STOX2: variants seen among roughly 807,000 people sequenced by gnomAD.
STOX2 encodes the protein storkhead box 2, also known as storkhead-box protein 2.
STOX2 carries 28 observed loss-of-function variants against 60.9 expected under a neutral mutation model. That is an observed-to-expected ratio of 0.46 (90% CI 0.34 to 0.63). The LOEUF (loss-of-function observed/expected upper bound fraction) is 0.63. Ranked by LOEUF, STOX2 falls within the 30% of genes least tolerant of loss-of-function variation. STOX2 has a pLI of 0.01. For synonymous variants in STOX2, 472 were observed against 463.9 expected (o/e 1.02, Z -0.22); for missense variants, 1,024 against 1,187.7 (o/e 0.86, Z 2.03).
At chr4:183,951,604 CT>C (rs1277311369) in intron 1 of STOX2, among the ~76,000 whole-genome samples, 2 of 151,612 alleles carry the variant, frequency 1.3e-5, no homozygotes, top group Non-Finnish European at 2.9e-5. Flanking sequence ...GCGTGAGCCG[CT>C]GCGCTCGGCA....
intron 1 of STOX2, among the ~76,000 whole-genome samples, chr4:183,823,535 C>T (rs138046481): frequency 1.3e-5 from 2 of 152,354 alleles, no homozygotes; most frequent in African/African-American, 4.8e-5. Flanking sequence ...CCATCACATT[C>T]CTTAGGCTCA....
Position 183,948,218 on chromosome 4 carries a change from CAAAAAA to C in STOX2, c.166+41283_166+41288del, listed in dbSNP as rs760286920. Among the ~76,000 whole-genome samples the C allele has an allele frequency of 3.7e-4, 11 of 29,872 alleles. No individual in the cohort carries two copies. In the South Asian group the frequency reaches 0.025, roughly 67 times the overall value. 19.6% of individuals were successfully genotyped at this position (29,872 alleles called of 152,430 possible). A position where few individuals can be genotyped will look rare whatever the true frequency, so the allele number is the denominator to read the frequency against. Reference sequence around the variant, plus strand: ...GGGCAACAAGAGCAAAACTCCATCTCAAAAAAAAAAAAAAAAAAAAAAAAAACACGA... The same window carrying C: ...GGGCAACAAGAGCAAAACTCCATCTCAAAAAAAAAAAAAAAAAAAACACGA... On this transcript the variant is annotated intron_variant, in intron 1 of 3. Transcript: ENST00000308497.
intron 1 of STOX2, among the ~76,000 whole-genome samples, chr4:183,919,392 T>G (rs1742026985): frequency 2.0e-5 from 3 of 152,084 alleles, no homozygotes; most frequent in Admixed American, 2.0e-4. Flanking sequence ...GTGGGCCAGC[T>G]AGAGGTGGGG....
At chr4:183,994,931 T>A (rs1733266642) in intron 1 of STOX2, among the ~76,000 whole-genome samples, 1 of 152,180 alleles carries the variant, frequency 6.6e-6, no homozygotes, top group African/African-American at 2.4e-5. Flanking sequence ...ATGTTGGTGC[T>A]TGAAAAAAAA....
chr4:183,798,263 C>A (rs1014672956), intron 1 of STOX2, among the ~76,000 whole-genome samples: 1 of 151,282 alleles, frequency 6.6e-6, no homozygotes, highest in Non-Finnish European at 1.5e-5. Context: ...AGGGAGCCGT[C>A]CCATTCCCGG....
At position 183,909,241 on chromosome 4, in the gene STOX2, A is replaced by G. The variant is rs72695363; in HGVS notation, c.166+2285A>G. Among the ~76,000 whole-genome samples the G allele has an allele frequency of 7.7e-3, 1,176 of 152,342 alleles. 10 individuals are homozygous for G. Among genetic ancestry groups the G allele is most frequent in the Non-Finnish European group, 0.011 (724 of 68,032 alleles). On this transcript the variant is annotated intron_variant, in intron 1 of 3. Coordinates refer to ENST00000308497, the MANE Select transcript of STOX2 (RefSeq NM_020225.3). Reference sequence around the variant, plus strand: ...GAGTATTGATAGAAATAGATGATATACTGAAACACTTGGAAATGATTTATA... The same window carrying G: ...GAGTATTGATAGAAATAGATGATATGCTGAAACACTTGGAAATGATTTATA...
rs1740404058 is a variant in STOX2 at position 183,860,436 on chromosome 4, AAAAAAC to A, written c.364+62387_364+62392del. On this transcript the variant is annotated intron_variant, in intron 1 of 2. Transcript: ENST00000513034. The stretch of plus-strand genomic sequence containing the variant: ...AAACAAAACAAAACAAACAAAAAAC[AAAAAAC>A]AAAAAAAAAAAAAAAAGAAGAAAAA... Among the ~76,000 whole-genome samples, 6 of 79,832 alleles carry A rather than the reference AAAAAAC, an allele frequency of 7.5e-5. No individual in the cohort carries two copies. The Admixed American group carries it at 8.7e-4, about 12-fold the overall frequency. 52.4% of individuals were successfully genotyped at this position (79,832 alleles called of 152,430 possible).
rs939694231 is a variant in STOX2 at position 183,865,722 on chromosome 4, A to T, written c.364+67667A>T. On this transcript the variant is annotated intron_variant, in intron 1 of 2. Transcript: ENST00000513034. The surrounding 1 kb of genome is among the most constrained non-coding windows in gnomAD (Gnocchi z 4.1). ...GAGTTTGGATGGGGAAGAGGAGGTG[A>T]CGGAGGTTGCAAGGAGGGGAACGAA... 1.3e-5 allele frequency among the ~76,000 whole-genome samples: 2 copies of T among 152,160 alleles called. No homozygotes were observed. Among genetic ancestry groups the T allele is most frequent in the Non-Finnish European group, 1.5e-5 (1 of 68,028 alleles).
rs61407933 is a variant in STOX2, at chr4:183,961,406, C to T, written c.167-39919C>T. Among the ~76,000 whole-genome samples the T allele has an allele frequency of 4.4e-3, 665 of 151,556 alleles. 4 individuals carry two copies. Among genetic ancestry groups the T allele is most frequent in the African/African-American group, 0.015 (632 of 40,868 alleles). On this transcript the variant is annotated intron_variant, in intron 1 of 3. Transcript: ENST00000308497. ...TGCTGCATAGAACGGTGGACTCTGC[C>T]AGCCACCTTGCTTTATGTGAGGTCA...
rs577166165 is a variant in STOX2, at chr4:183,806,072, C to T, written c.364+8017C>T. Among the ~76,000 whole-genome samples the T allele has an allele frequency of 5.3e-5, 8 of 152,288 alleles. No homozygotes were observed. Among genetic ancestry groups the T allele is most frequent in the African/African-American group, 1.9e-4 (8 of 41,558 alleles). On this transcript the variant is annotated intron_variant, in intron 1 of 2. Coordinates refer to the STOX2 transcript ENST00000513034. This position sits in a 1 kb window ranked among gnomAD's most constrained non-coding sequence, Gnocchi z 4.1. ...AGAAAGTGCATGGGACAGTGGGAGA[C>T]CCCATGCTGAGCAGATCCAGGTCTG...
intron 3 of STOX2, chr4:184,016,281 A>G (rs1327038294): frequency 1.3e-5 from 2 of 152,312 alleles, no homozygotes; most frequent in Non-Finnish European, 2.9e-5. Flanking sequence ...GGATTGCTTC[A>G]GCCTGGGAGG....
chr4:183,899,888 T>A (rs1741426177), intron 1 of STOX2, among the ~76,000 whole-genome samples: 1 of 152,204 alleles, frequency 6.6e-6, no homozygotes, highest in South Asian at 2.1e-4. Flanking sequence ...AGAGAGGAGA[T>A]GTCAATGTCT....
intron 1 of STOX2, among the ~76,000 whole-genome samples, chr4:183,993,312 C>T (rs1013330729): frequency 6.6e-6 from 1 of 152,206 alleles, no homozygotes; most frequent in Non-Finnish European, 1.5e-5. Context: ...CCAATTAATT[C>T]GTTACTTCAC....
intron 1 of STOX2, among the ~76,000 whole-genome samples, chr4:183,947,616 GT>G (rs1742934836): frequency 6.6e-6 from 1 of 152,142 alleles, no homozygotes; most frequent in African/African-American, 2.4e-5. Context: ...TAAAGTAATG[GT>G]TGCCTTATTG....
chr4:184,017,338 A>T lies in STOX2; in HGVS notation c.*54A>T. On this transcript the variant is annotated 3_prime_UTR_variant, in exon 4 of 4. Coordinates refer to ENST00000308497, the MANE Select transcript of STOX2 (RefSeq NM_020225.3). ...CATTCGATACAGCAAAGTTTACGAC[A>T]CTGGGACTGATGTTTACATCTTTGG... 2 of 1,433,216 alleles carry T rather than the reference A, an allele frequency of 1.4e-6. No homozygotes were observed. The highest frequency in any genetic ancestry group is 1.9e-6 in the Non-Finnish European group (2 of 1,066,010). The allele number at this position is 1,433,216 out of a possible 1,614,324, so 88.8% of individuals were successfully genotyped here. A position where few individuals can be genotyped will look rare whatever the true frequency, so the allele number is the denominator to read the frequency against.
At chr4:183,808,642 G>A (rs1357885017) in intron 1 of STOX2, among the ~76,000 whole-genome samples, 1 of 152,306 alleles carries the variant, frequency 6.6e-6, no homozygotes, top group East Asian at 1.9e-4. Context: ...AACAAAAGCA[G>A]TACTTTAGAC....
chr4:183,886,102 AGATG>A lies in STOX2; in HGVS notation c.364+88048_364+88051del, dbSNP rs1560863660. ...CCGATGGTTGCTGGATGGTGTAGGC[AGATG>A]CAAAATCAGGAGGGTGAAGGTTCAG... On this transcript the variant is annotated intron_variant, in intron 1 of 2. Transcript: ENST00000513034. 7.5e-4 allele frequency among the ~76,000 whole-genome samples: 106 copies of A among 140,484 alleles called. 24 individuals are homozygous for A. The highest frequency in any genetic ancestry group is 1.5e-3 in the South Asian group (6 of 4,098). 92.2% of individuals were successfully genotyped at this position (140,484 alleles called of 152,430 possible).
At chr4:183,949,308 A>G (rs748061449) in intron 1 of STOX2, among the ~76,000 whole-genome samples, 14 of 152,158 alleles carry the variant, frequency 9.2e-5, no homozygotes, top group South Asian at 2.1e-4. Flanking sequence ...AATTCTTTAA[A>G]CATGGAAATT....
At chr4:183,874,955 ATATATATATATATATATATATAT>A (rs1740791467) in intron 1 of STOX2, among the ~76,000 whole-genome samples, 1 of 30,170 alleles carries the variant, frequency 3.3e-5, no homozygotes, top group African/African-American at 1.3e-4. Flanking sequence ...AAAAAAAAAT[ATATATATATATATATATATATAT>A]ATATATATAT....
Sources: allele counts gnomAD v4.1 joint callset (sites outside exome capture counted in the v4.1 genomes callset), GRCh38; gene constraint gnomAD v4.1.1; non-coding constraint Gnocchi (gnomAD v3.1); transcripts MANE v1.5; gene names NCBI Gene and HGNC (gene_info 2026-07-23, HGNC 2026-07-21).